The following ELMO1 variants were observed in gnomAD, a reference collection of about 807,000 sequenced individuals.
The protein encoded by ELMO1 is engulfment and cell motility 1.
In ELMO1, 26 loss-of-function variants were observed where a neutral mutation model predicts 98.9. That is an observed-to-expected ratio of 0.26 (90% confidence interval 0.19 to 0.36). The LOEUF (loss-of-function observed/expected upper bound fraction) is 0.36. Among genes scored for constraint, ELMO1 ranks in the 10% least tolerant of loss-of-function variants. The pLI is 1.00. For synonymous variants in ELMO1, 346 were observed against 346.0 expected (o/e 1.00, Z 0.00); for missense variants, 627 against 935.2 (o/e 0.67, Z 4.30).
At chr7:37,374,578 C>T (rs1252448874) in intron 1 of ELMO1, among the ~76,000 whole-genome samples, 1 of 151,522 alleles carries the variant, frequency 6.6e-6, no homozygotes, top group African/African-American at 2.4e-5. Context: ...GGCGAAATTC[C>T]ATCTGTACTA....
At chr7:37,336,347 T>C (rs77793695) in intron 2 of ELMO1, among the ~76,000 whole-genome samples, 2,297 of 152,326 alleles carry the variant, frequency 0.015, 53 homozygotes, top group African/African-American at 0.053. Context: ...CACTAACCAT[T>C]TGTCTCGTCT....
chr7:37,141,250 T>C (rs556352390), intron 13 of ELMO1, among the ~76,000 whole-genome samples: 4 of 152,256 alleles, frequency 2.6e-5, no homozygotes, highest in South Asian at 2.1e-4. Context: ...CTGGAGGGAA[T>C]TGGAGACTGT....
chr7:37,026,926 C>G (rs1346039389), intron 15 of ELMO1, among the ~76,000 whole-genome samples: 1 of 152,194 alleles, frequency 6.6e-6, no homozygotes, highest in Non-Finnish European at 1.5e-5. Context: ...ACTGCACTCC[C>G]TTCCTTGGTT....
chr7:37,310,393 G>T (rs887988611), intron 4 of ELMO1, among the ~76,000 whole-genome samples: 2 of 152,120 alleles, frequency 1.3e-5, no homozygotes, highest in African/African-American at 4.8e-5. Context: ...TACATGCTTA[G>T]GATTAGGGAT....
At chr7:37,291,683 G>A (rs550636147) in intron 4 of ELMO1, among the ~76,000 whole-genome samples, 86 of 152,326 alleles carry the variant, frequency 5.6e-4, no homozygotes, top group African/African-American at 2.0e-3. Flanking sequence ...GGAAGGCCGA[G>A]GTGGGTGGAT....
chr7:37,018,614 C>A (rs1480289235), intron 15 of ELMO1, among the ~76,000 whole-genome samples: 1 of 151,926 alleles, frequency 6.6e-6, no homozygotes, highest in Non-Finnish European at 1.5e-5. Flanking sequence ...ATAGCTGGGA[C>A]TACAGGTGCA....
chr7:36,975,864 G>C (rs939790576), intron 16 of ELMO1, among the ~76,000 whole-genome samples: 1 of 130,224 alleles, frequency 7.7e-6, no homozygotes, highest in Non-Finnish European at 1.7e-5. Flanking sequence ...AAAAAAAAAA[G>C]ATAAAATTGT....
At position 36,878,029 on chromosome 7, in the gene ELMO1, G is replaced by A. The variant is rs751277046; in HGVS notation, c.1803C>T (p.His601=). The change falls in exon 19 of 22, where the codon CAC becomes CAT. Residue 601 remains histidine (H), a synonymous_variant. Transcript: ENST00000310758. ...ACTTACGTTTGTCCTGCAAGGAATC[G>A]TGGGGCACTTCTCCCTGAGGACTCT... ...LEESPQGEVP[H]DSLQDKLPVA... The A allele has an allele frequency of 9.3e-6, 15 of 1,613,798 alleles. No homozygotes were observed. Among genetic ancestry groups the A allele is most frequent in the Middle Eastern group, 3.3e-4 (2 of 6,078 alleles).
At chr7:36,860,400 T>C (rs1386279472) in intron 21 of ELMO1, among the ~76,000 whole-genome samples, 2 of 152,224 alleles carry the variant, frequency 1.3e-5, no homozygotes, top group Admixed American at 1.3e-4. Context: ...GGAATAATTA[T>C]GGAAATAAAA....
intron 13 of ELMO1, among the ~76,000 whole-genome samples, chr7:37,188,986 T>C (rs1274699384): frequency 2.6e-5 from 4 of 152,240 alleles, no homozygotes; most frequent in African/African-American, 9.6e-5. Flanking sequence ...ATTATATTTA[T>C]GTTATAAAAT....
At chr7:36,897,745 G>C (rs1584332832) in intron 16 of ELMO1, among the ~76,000 whole-genome samples, 3 of 152,202 alleles carry the variant, frequency 2.0e-5, no homozygotes, top group Non-Finnish European at 4.4e-5. Context: ...TCCACTCCTA[G>C]AGCCCCATTC....
intron 13 of ELMO1, among the ~76,000 whole-genome samples, chr7:37,187,111 G>A (rs1021453134): frequency 6.6e-6 from 1 of 152,124 alleles, no homozygotes; most frequent in Non-Finnish European, 1.5e-5. Flanking sequence ...GTGTATGAGA[G>A]AATAAAATCA....
intron 4 of ELMO1, among the ~76,000 whole-genome samples, chr7:37,304,350 G>GGT (rs150089673): frequency 3.3e-5 from 5 of 151,856 alleles, no homozygotes; most frequent in South Asian, 4.2e-4. Context: ...GGTGTGTGAG[G>GGT]GTGTGTGTGT....
intron 4 of ELMO1, among the ~76,000 whole-genome samples, chr7:37,283,680 A>C (rs1797252581): frequency 6.6e-6 from 1 of 152,182 alleles, no homozygotes; most frequent in Admixed American, 6.5e-5. Flanking sequence ...TTATGATTCC[A>C]TGGGGAAGGC....
chr7:36,957,446 C>T (rs1788560766), intron 16 of ELMO1, among the ~76,000 whole-genome samples: 1 of 152,184 alleles, frequency 6.6e-6, no homozygotes, highest in Non-Finnish European at 1.5e-5. Context: ...CTGGTCATGC[C>T]ACAATTCATT....
At chr7:37,385,945 C>G (rs765553423) in intron 1 of ELMO1, among the ~76,000 whole-genome samples, 2 of 152,234 alleles carry the variant, frequency 1.3e-5, no homozygotes, top group African/African-American at 4.8e-5. Flanking sequence ...CCACAGCTGA[C>G]TGTGATCCAG....
intron 15 of ELMO1, among the ~76,000 whole-genome samples, chr7:37,024,297 G>A (rs899334101): frequency 2.0e-5 from 3 of 152,168 alleles, no homozygotes; most frequent in African/African-American, 7.2e-5. Context: ...GAAACTGGCA[G>A]GCATCAGTTC....
chr7:36,869,970 G>A (rs1475929237), intron 20 of ELMO1, among the ~76,000 whole-genome samples: 3 of 152,210 alleles, frequency 2.0e-5, no homozygotes, highest in Non-Finnish European at 2.9e-5. Flanking sequence ...CTGAGATCCC[G>A]GGGAGGATAT....
intron 7 of ELMO1, among the ~76,000 whole-genome samples, chr7:37,234,999 G>C (rs1173702953): frequency 1.3e-5 from 2 of 152,200 alleles, no homozygotes; most frequent in African/African-American, 4.8e-5. Context: ...GCTTTTCAGA[G>C]CTGCAAAGGG....
Sources: allele counts gnomAD v4.1 joint callset (sites outside exome capture counted in the v4.1 genomes callset), GRCh38; gene constraint gnomAD v4.1.1; transcripts MANE v1.5; gene names NCBI Gene and HGNC (gene_info 2026-07-23, HGNC 2026-07-21).